Variants in DPP6 observed in about 807,000 individuals in gnomAD.
DPP6 encodes the protein A-type potassium channel modulatory protein DPP6.
Under a neutral mutation model 122.6 loss-of-function variants are expected in DPP6, and 69 were observed. The observed-to-expected ratio is 0.56, with a 90% CI of 0.46 to 0.69. DPP6 has a LOEUF of 0.69. Ranked by LOEUF, DPP6 falls within the 30% of genes least tolerant of loss-of-function variation. The pLI is 0.00. For missense variants in DPP6, 928 were observed against 1,116.9 expected (o/e 0.83, Z 2.41); for synonymous variants, 418 against 433.1 (o/e 0.97, Z 0.43).
At chr7:154,574,537 ATGGTG>A (rs1490536009) in intron 5 of DPP6, among the ~76,000 whole-genome samples, 134 of 91,256 alleles carry the variant, frequency 1.5e-3, no homozygotes, top group African/African-American at 5.7e-3. Flanking sequence ...TGTGGTGTGT[ATGGTG>A]TGGTGTGTGT....
chr7:153,876,147 TA>T, the DPP6 span, among the ~76,000 whole-genome samples: 1 of 151,850 alleles, frequency 6.6e-6, no homozygotes, highest in Non-Finnish European at 1.5e-5. Context: ...TCAAAATATA[TA>T]AAGCAAAAAT....
At position 154,772,967 on chromosome 7, in the gene DPP6, CAA is replaced by C. The variant is rs11291131; in HGVS notation, c.1136+39_1136+40del. On this transcript the variant is annotated intron_variant, in intron 10 of 25. Transcript: ENST00000377770. ...GGTTTGCTTCCTTCTATTATGTTAC[CAA>C]AAAAAAAAAAAAACTAAGATGAATG... 9,930 of 1,310,414 alleles carry C rather than the reference CAA, an allele frequency of 7.6e-3. 4 individuals are homozygous for C. The highest frequency in any genetic ancestry group is 0.023 in the Middle Eastern group (113 of 4,968). 81.2% of individuals were successfully genotyped at this position (1,310,414 alleles called of 1,614,324 possible).
In DPP6 at chr7:154,821,626, C is replaced by G. The variant is rs950104370; in HGVS notation, c.1666+14514C>G. ...GAATATATATATATATATTTTTTTT[C>G]TGTATATATATATATATATACACAT... On this transcript the variant is annotated intron_variant, in intron 16 of 25. Coordinates refer to ENST00000377770, the MANE Select transcript of DPP6 (RefSeq NM_130797.4). This position sits in a 1 kb window ranked among gnomAD's most constrained non-coding sequence, Gnocchi z 4.2. 2.2e-5 allele frequency among the ~76,000 whole-genome samples: 2 copies of G among 92,240 alleles called. No individual in the cohort carries two copies. Among genetic ancestry groups the G allele is most frequent in the Non-Finnish European group, 4.0e-5 (2 of 49,446 alleles). The allele number at this position is 92,240 out of a possible 152,430, so 60.5% of individuals were successfully genotyped here.
chr7:153,964,187 G>A (rs543015042), intron 1 of DPP6, among the ~76,000 whole-genome samples: 2 of 152,054 alleles, frequency 1.3e-5, no homozygotes, highest in East Asian at 1.9e-4. Context: ...GTACAGACGG[G>A]GTTTCACCAT....
intron 16 of DPP6, among the ~76,000 whole-genome samples, chr7:154,850,098 G>A (rs1464504849): frequency 1.3e-5 from 2 of 152,166 alleles, no homozygotes; most frequent in African/African-American, 4.8e-5. Context: ...ACATGAGTAA[G>A]TTATTTAGTG....
At chr7:154,852,919 A>AG (rs1802525941) in intron 16 of DPP6, among the ~76,000 whole-genome samples, 1 of 152,160 alleles carries the variant, frequency 6.6e-6, no homozygotes, top group Admixed American at 6.5e-5. Flanking sequence ...GGCAGTGTCT[A>AG]GGGGCAGAGC....
chr7:153,918,509 A>T, intron 1 of DPP6, among the ~76,000 whole-genome samples: 1 of 126,332 alleles, frequency 7.9e-6, no homozygotes, highest in South Asian at 2.5e-4. Context: ...CAAGGCAAAA[A>T]GAAGAGGTAA....
At chr7:154,095,045 G>A (rs1805226624) in intron 1 of DPP6, 1 of 152,220 alleles carries the variant, frequency 6.6e-6, no homozygotes, top group Non-Finnish European at 1.5e-5. Flanking sequence ...TGCAGGACAT[G>A]TGCTGCCCAG....
chr7:154,017,719 T>TA (rs1365239601), intron 1 of DPP6, among the ~76,000 whole-genome samples: 3 of 83,720 alleles, frequency 3.6e-5, no homozygotes, highest in East Asian at 3.0e-4. Context: ...AAAAAAAAAA[T>TA]AAAAAAATAA....
chr7:153,834,153 A>C, the DPP6 span, among the ~76,000 whole-genome samples: 1 of 151,854 alleles, frequency 6.6e-6, no homozygotes, highest in Non-Finnish European at 1.5e-5. Flanking sequence ...CGGGTGTGGC[A>C]GTGGGCGCCT....
intron 1 of DPP6, among the ~76,000 whole-genome samples, chr7:153,967,268 C>G: frequency 6.6e-6 from 1 of 152,016 alleles, no homozygotes; most frequent in Non-Finnish European, 1.5e-5. Context: ...GGTCATATTC[C>G]AGGTCCAATG....
At chr7:154,252,212 A>AAGTGTG (rs1245278606) in intron 1 of DPP6, among the ~76,000 whole-genome samples, 2 of 125,404 alleles carry the variant, frequency 1.6e-5, no homozygotes, top group Non-Finnish European at 3.3e-5. Flanking sequence ...TCACAATGTC[A>AAGTGTG]CGTGTGTGTG....
chr7:153,759,895 T>TTC, the DPP6 span, among the ~76,000 whole-genome samples: 2 of 151,170 alleles, frequency 1.3e-5, no homozygotes, highest in Middle Eastern at 3.4e-3. Flanking sequence ...CTGCTTCCAC[T>TTC]TCTCTCTCTC....
chr7:153,803,343 C>G, the DPP6 span, among the ~76,000 whole-genome samples: 2 of 150,444 alleles, frequency 1.3e-5, no homozygotes, highest in Non-Finnish European at 2.9e-5. Flanking sequence ...CATTTGAATT[C>G]GTGGACTCAG....
chr7:154,444,382 G>A (rs1448894992), intron 1 of DPP6, among the ~76,000 whole-genome samples: 2 of 151,956 alleles, frequency 1.3e-5, no homozygotes, highest in Non-Finnish European at 2.9e-5. Context: ...GGAGAATGGC[G>A]TGAACCTGGG....
At chr7:154,424,386 C>A (rs184855369) in intron 1 of DPP6, among the ~76,000 whole-genome samples, 1 of 152,326 alleles carries the variant, frequency 6.6e-6, no homozygotes, top group East Asian at 1.9e-4. Context: ...GTCTGCAGGG[C>A]TAATTCCTTC....
rs182631100 is a variant in DPP6, at chr7:154,877,834, A to G, written c.2078+1734A>G. 2.0e-4 allele frequency among the ~76,000 whole-genome samples: 31 copies of G among 152,276 alleles called. No homozygotes were observed. The highest frequency in any genetic ancestry group is 1.9e-3 in the Admixed American group (29 of 15,294). On this transcript the variant is annotated intron_variant, in intron 20 of 25. Transcript: ENST00000377770. This position sits in a 1 kb window ranked among gnomAD's most constrained non-coding sequence, Gnocchi z 5.2. ...GTCCGTCTGACACCAGTGTGGGGCC[A>G]GCCCCTGAGCAGAGGATGTGGGGTG...
At chr7:154,779,030 A>AAAACCT (rs1796808395) in intron 10 of DPP6, among the ~76,000 whole-genome samples, 2 of 137,938 alleles carry the variant, frequency 1.4e-5, no homozygotes, top group Non-Finnish European at 3.2e-5. Context: ...CATCACCTCC[A>AAAACCT]CCACCACCAC....
intron 6 of DPP6, among the ~76,000 whole-genome samples, chr7:154,650,226 G>A (rs1228284088): frequency 2.0e-5 from 3 of 152,106 alleles, no homozygotes; most frequent in Non-Finnish European, 2.9e-5. Context: ...TTGGGATGCT[G>A]AAGTGGGAGA....
Sources: gnomAD v4.1 joint callset for allele counts (sites outside exome capture counted in the v4.1 genomes callset) on GRCh38, gnomAD v4.1.1 for gene constraint, Gnocchi (gnomAD v3.1) non-coding constraint, MANE v1.5 for transcripts, NCBI Gene and HGNC (gene_info 2026-07-23, HGNC 2026-07-21) for gene names.